The following SEMA3A variants were observed in gnomAD, a reference collection of about 807,000 sequenced individuals.
The protein encoded by SEMA3A is semaphorin-3A.
Under a neutral mutation model 97.9 loss-of-function variants are expected in SEMA3A, and 29 were observed. The ratio of observed to expected loss-of-function variants is 0.30; its 90% CI spans 0.22 to 0.40. The LOEUF is 0.40. Among genes scored for constraint, SEMA3A ranks in the 10% least tolerant of loss-of-function variants. The pLI is 1.00. For synonymous variants in SEMA3A, 321 were observed against 323.7 expected, an observed-to-expected ratio of 0.99 and a Z score of 0.09; for missense variants, 763 against 951.3, an observed-to-expected ratio of 0.80 and a Z score of 2.60.
At chr7:84,068,707 A>C (rs1793632627) in intron 4 of SEMA3A, among the ~76,000 whole-genome samples, 1 of 152,132 alleles carries the variant, frequency 6.6e-6, no homozygotes, top group Non-Finnish European at 1.5e-5. Context: ...GTCTGGGATC[A>C]TATGTCCAAG....
intron 3 of SEMA3A, among the ~76,000 whole-genome samples, chr7:84,247,542 T>A (rs1799503754): frequency 6.6e-6 from 1 of 152,194 alleles, no homozygotes; most frequent in Non-Finnish European, 1.5e-5. Context: ...TAAGAAGGGT[T>A]AAGCCAATAA....
intron 3 of SEMA3A, among the ~76,000 whole-genome samples, chr7:84,247,687 A>T (rs2115593665): frequency 6.6e-6 from 1 of 152,296 alleles, no homozygotes; most frequent in East Asian, 1.9e-4. Context: ...TCATTTAATA[A>T]ACTCAATGAT....
chr7:84,207,831 T>C (rs748405273), intron 3 of SEMA3A, among the ~76,000 whole-genome samples: 2 of 152,040 alleles, frequency 1.3e-5, no homozygotes, highest in Non-Finnish European at 2.9e-5. Flanking sequence ...TGAGCTGCAA[T>C]AAAGAAAGAC....
At chr7:84,358,773 G>C (rs2116054435) in intron 2 of SEMA3A, among the ~76,000 whole-genome samples, 1 of 152,210 alleles carries the variant, frequency 6.6e-6, no homozygotes, top group South Asian at 2.1e-4. Flanking sequence ...CCATGAGCAT[G>C]GAATGTTCTT....
intron 3 of SEMA3A, among the ~76,000 whole-genome samples, chr7:84,209,595 T>A (rs564847531): frequency 6.6e-6 from 1 of 152,170 alleles, no homozygotes; most frequent in African/African-American, 2.4e-5. Context: ...TTCAAAACCA[T>A]AGTATAAAAT....
At chr7:84,356,844 G>A (rs904019643) in intron 2 of SEMA3A, among the ~76,000 whole-genome samples, 15 of 151,676 alleles carry the variant, frequency 9.9e-5, no homozygotes, top group African/African-American at 2.2e-4. Context: ...ATTATGAATC[G>A]TGGTTTAAAA....
At chr7:84,299,180 T>C (rs1289259078) in intron 3 of SEMA3A, among the ~76,000 whole-genome samples, 2 of 151,818 alleles carry the variant, frequency 1.3e-5, no homozygotes, top group Non-Finnish European at 2.9e-5. Flanking sequence ...GGGCTTTACC[T>C]TGTGATCCTG....
chr7:84,109,291 C>A (rs1795209862), intron 4 of SEMA3A, among the ~76,000 whole-genome samples: 1 of 152,140 alleles, frequency 6.6e-6, no homozygotes, highest in African/African-American at 2.4e-5. Context: ...ACTTAAAATT[C>A]TTCAGTCTGT....
chr7:84,244,479 T>C (rs111864165), intron 3 of SEMA3A, among the ~76,000 whole-genome samples: 156 of 152,328 alleles, frequency 1.0e-3, no homozygotes, highest in African/African-American at 3.6e-3. Context: ...AGTCTATGTG[T>C]GTCTGTGCAC....
intron 1 of SEMA3A, among the ~76,000 whole-genome samples, chr7:84,425,188 T>C (rs1041454510): frequency 8.7e-6 from 1 of 114,896 alleles, no homozygotes; most frequent in African/African-American, 3.6e-5. Flanking sequence ...TACGCATATA[T>C]TTACATAAAT....
At chr7:84,165,988 T>G (rs1319624605) in intron 1 of SEMA3A, among the ~76,000 whole-genome samples, 2 of 152,212 alleles carry the variant, frequency 1.3e-5, no homozygotes, top group East Asian at 1.9e-4. Flanking sequence ...AAAGATGAGA[T>G]AGAGCCAGGT....
intron 3 of SEMA3A, among the ~76,000 whole-genome samples, chr7:84,270,655 C>T (rs1477415327): frequency 6.8e-6 from 1 of 147,080 alleles, no homozygotes; most frequent in African/African-American, 2.5e-5. Context: ...CATCTATATT[C>T]TATTCATATA....
At chr7:84,172,839 C>G (rs1231299709) in intron 1 of SEMA3A, among the ~76,000 whole-genome samples, 2 of 152,192 alleles carry the variant, frequency 1.3e-5, no homozygotes, top group Non-Finnish European at 2.9e-5. Flanking sequence ...CTCAGTTAAT[C>G]TATTGTTTTA....
chr7:83,965,396 G>T (rs1584484488), intron 15 of SEMA3A, among the ~76,000 whole-genome samples: 1 of 151,282 alleles, frequency 6.6e-6, no homozygotes, highest in South Asian at 2.1e-4. Context: ...TTTATCAACA[G>T]CCATGTCTCC....
intron 1 of SEMA3A, among the ~76,000 whole-genome samples, chr7:84,437,172 T>A (rs530736145): frequency 2.1e-4 from 32 of 152,158 alleles, no homozygotes; most frequent in African/African-American, 7.2e-4. Flanking sequence ...AAACAATGAA[T>A]GATCTATGGT....
intron 4 of SEMA3A, among the ~76,000 whole-genome samples, chr7:84,093,438 A>C (rs1794656219): frequency 6.6e-6 from 1 of 152,206 alleles, no homozygotes. Flanking sequence ...TAATGCATGA[A>C]TTGAGATCAG....
intron 2 of SEMA3A, among the ~76,000 whole-genome samples, chr7:84,351,849 A>C (rs1215770766): frequency 6.6e-6 from 1 of 152,034 alleles, no homozygotes; most frequent in Non-Finnish European, 1.5e-5. Context: ...CTACTGTATG[A>C]TCCAACAATC....
chr7:84,114,475 T>G (rs1795364796), intron 3 of SEMA3A, among the ~76,000 whole-genome samples: 1 of 152,098 alleles, frequency 6.6e-6, no homozygotes. Flanking sequence ...AATGCTTCTA[T>G]CCCATCGATA....
intron 3 of SEMA3A, among the ~76,000 whole-genome samples, chr7:84,208,375 C>A (rs2116313489): frequency 6.6e-6 from 1 of 151,126 alleles, no homozygotes; most frequent in African/African-American, 2.4e-5. Flanking sequence ...TGGCGTGAAC[C>A]CGGGAGGCGG....
Sources: gnomAD v4.1 joint callset for allele counts (sites outside exome capture counted in the v4.1 genomes callset) on GRCh38, gnomAD v4.1.1 for gene constraint, MANE v1.5 for transcripts, NCBI Gene and HGNC (gene_info 2026-07-23, HGNC 2026-07-21) for gene names.